Variants in SMIM13 observed in about 807,000 individuals in gnomAD.
SMIM13 encodes UPF0766 protein C6orf228.
SMIM13 carries 3 observed loss-of-function variants against 5.9 expected under a neutral mutation model. That is an observed-to-expected ratio of 0.51 (90% CI 0.23 to 1.31). The LOEUF (loss-of-function observed/expected upper bound fraction) is 1.31. SMIM13 is among the 40% of genes most tolerant of loss of function. The pLI is 0.18. For missense variants in SMIM13, 85 were observed against 109.9 expected (o/e 0.77, Z 1.01); for synonymous variants, 55 against 46.0 (o/e 1.19, Z -0.79).
intron 1 of SMIM13, among the ~76,000 whole-genome samples, chr6:11,111,885 G>A (rs933058320): frequency 5.9e-5 from 9 of 152,220 alleles, no homozygotes; most frequent in South Asian, 2.1e-4. Context: ...GAAGTTGTGC[G>A]CATGCTTTCT....
At chr6:11,105,849 G>C (rs1203327096) in intron 1 of SMIM13, among the ~76,000 whole-genome samples, 1 of 152,138 alleles carries the variant, frequency 6.6e-6, no homozygotes, top group African/African-American at 2.4e-5. Context: ...GGTGATTTTA[G>C]CAGTTTCTTC....
chr6:11,114,176 C>T (rs1758206506), intron 1 of SMIM13, among the ~76,000 whole-genome samples: 1 of 151,922 alleles, frequency 6.6e-6, no homozygotes. Context: ...GATGGGATTT[C>T]ACCATGTTGG....
At chr6:11,104,576 TC>T (rs773537004) in intron 1 of SMIM13, 1 of 1,611,676 alleles carries the variant, frequency 6.2e-7, no homozygotes, top group East Asian at 2.2e-5. Context: ...TCTGGTTAGC[TC>T]CCTTGGTTTT....
chr6:11,103,364 C>G (rs13214777), intron 1 of SMIM13: 53,246 of 266,326 alleles, frequency 0.2, 6,094 homozygotes, highest in African/African-American at 0.31. Context: ...ACAACTGCCT[C>G]ACCATCACCT....
In SMIM13 at chr6:11,135,692, T is replaced by C. The variant is rs1758509446; in HGVS notation, c.*1090T>C. 1 of 152,594 alleles carries C rather than the reference T, an allele frequency of 6.6e-6. No individual in the cohort carries two copies. The highest frequency in any genetic ancestry group is 2.4e-5 in the African/African-American group (1 of 41,432). The allele number at this position is 152,594 out of a possible 1,614,324, so 9.5% of individuals were successfully genotyped here. A position where few individuals can be genotyped will look rare whatever the true frequency, so the allele number is the denominator to read the frequency against. The stretch of plus-strand genomic sequence containing the variant: ...GAAGAGTTGGATTCAGAATATGAAG[T>C]TATAATTATAACTTAACCAATTTAT... On this transcript the variant is annotated 3_prime_UTR_variant, in exon 2 of 2. Coordinates refer to ENST00000416247, the MANE Select transcript of SMIM13 (RefSeq NM_001135575.2).
chr6:11,129,510 T>G (rs1758423514), intron 1 of SMIM13, among the ~76,000 whole-genome samples: 1 of 152,236 alleles, frequency 6.6e-6, no homozygotes, highest in Non-Finnish European at 1.5e-5. Context: ...AGATATCTCT[T>G]GAATATACTG....
In SMIM13 at chr6:11,119,421, G is replaced by C. The variant is rs1424643303; in HGVS notation, c.77-14982G>C. ...TGTAATCCCAGCACTTTGGGAAGCC[G>C]AGACAGGCGAATCACGAGGTCAGGA... On this transcript the variant is annotated intron_variant, in intron 1 of 1. Transcript: ENST00000416247. Among the ~76,000 whole-genome samples, 3 of 152,124 alleles carry C rather than the reference G, an allele frequency of 2.0e-5. No homozygotes were observed. In the East Asian group the frequency reaches 5.8e-4, roughly 29 times the overall value.
rs1758544784 is a variant in SMIM13 at position 11,138,658 on chromosome 6, CT to C, written c.*4057del. ...GTTTTTGTTTTAAAACTGGTCAGTA[CT>C]ATGAAGCTTCTGTGGTTTGTATGAT... On this transcript the variant is annotated 3_prime_UTR_variant, in exon 2 of 2. Transcript: ENST00000416247. 6.6e-6 allele frequency: 1 copy of C among 152,082 alleles called. No homozygotes were observed. 9.4% of individuals were successfully genotyped at this position (152,082 alleles called of 1,614,324 possible).
At chr6:11,126,764 T>C (rs1159488822) in intron 1 of SMIM13, among the ~76,000 whole-genome samples, 4 of 152,142 alleles carry the variant, frequency 2.6e-5, no homozygotes, top group Non-Finnish European at 5.9e-5. Context: ...TACCTATCCT[T>C]CTTGGGAATG....
rs531324710 is a variant in SMIM13 at position 11,096,644 on chromosome 6, A to G, written c.76+2255A>G. Among the ~76,000 whole-genome samples the G allele has an allele frequency of 2.0e-5, 3 of 152,174 alleles. No individual in the cohort carries two copies. In the South Asian group the frequency reaches 6.2e-4, roughly 32 times the overall value. On this transcript the variant is annotated intron_variant, in intron 1 of 1. Transcript: ENST00000416247. ...GCCAGGGCTGCCATGACAAAATACC[A>G]GAGACTGGTGGGTGGCTTAAACAAC...
chr6:11,104,267 C>T (rs1451600995), intron 1 of SMIM13: 4 of 1,551,712 alleles, frequency 2.6e-6, no homozygotes, highest in Admixed American at 2.0e-5. Context: ...TTGCCCTCCT[C>T]ACCCTGGGCA....
chr6:11,134,703 T>A lies in SMIM13; in HGVS notation c.*101T>A. The A allele has an allele frequency of 5.3e-6, 5 of 943,468 alleles. No homozygotes were observed. Among genetic ancestry groups the A allele is most frequent in the Non-Finnish European group, 7.3e-6 (5 of 686,964 alleles). The allele number at this position is 943,468 out of a possible 1,614,324, so 58.4% of individuals were successfully genotyped here. ...GACTGAAGAACATTTGTATTGGATT[T>A]TAAGTCGAATTTTAAAAAAGATTTA... is the stretch of plus-strand genomic sequence containing the variant. On this transcript the variant is annotated 3_prime_UTR_variant, in exon 2 of 2. Transcript: ENST00000416247.
chr6:11,123,605 G>A (rs556764483), intron 1 of SMIM13, among the ~76,000 whole-genome samples: 48 of 152,094 alleles, frequency 3.2e-4, no homozygotes, highest in South Asian at 6.2e-4. Flanking sequence ...TAACAATTTG[G>A]CCATTAGATG....
chr6:11,125,771 C>G (rs1462153452), intron 1 of SMIM13, among the ~76,000 whole-genome samples: 1 of 152,028 alleles, frequency 6.6e-6, no homozygotes, highest in East Asian at 1.9e-4. Flanking sequence ...TTGTCCCTTA[C>G]CTTTGGGAGT....
At chr6:11,126,998 C>T (rs564776961) in intron 1 of SMIM13, among the ~76,000 whole-genome samples, 46 of 152,302 alleles carry the variant, frequency 3.0e-4, no homozygotes, top group African/African-American at 1.1e-3. Context: ...AATGGAGTCT[C>T]TCTGTGCTGA....
At chr6:11,117,937 T>C (rs1758263163) in intron 1 of SMIM13, among the ~76,000 whole-genome samples, 1 of 152,114 alleles carries the variant, frequency 6.6e-6, no homozygotes, top group African/African-American at 2.4e-5. Flanking sequence ...AGTTTCACCA[T>C]GTTGGCCAGG....
intron 1 of SMIM13, 148 bp downstream of exon 1, chr6:11,094,537 G>A (rs1581907183): frequency 1.6e-6 from 1 of 635,314 alleles, no homozygotes; most frequent in East Asian, 3.2e-5. Flanking sequence ...TAGCCTCTAG[G>A]GCTGAGCGCA....
chr6:11,129,083 G>GC (rs972180232), intron 1 of SMIM13, among the ~76,000 whole-genome samples: 1 of 151,676 alleles, frequency 6.6e-6, no homozygotes, highest in South Asian at 2.1e-4. Flanking sequence ...GGGAGCGGGG[G>GC]GGGGATGATC....
intron 1 of SMIM13, among the ~76,000 whole-genome samples, chr6:11,109,849 A>G (rs137931679): frequency 8.5e-5 from 13 of 152,206 alleles, no homozygotes; most frequent in Admixed American, 2.6e-4. Context: ...GTCCACAGAG[A>G]GAACAGAGGA....
Sources: gnomAD v4.1 joint callset for allele counts (sites outside exome capture counted in the v4.1 genomes callset) on GRCh38, gnomAD v4.1.1 for gene constraint, MANE v1.5 for transcripts, NCBI Gene and HGNC (gene_info 2026-07-23, HGNC 2026-07-21) for gene names.